The following ASIC2 variants were observed in gnomAD, a reference collection of about 807,000 sequenced individuals.
ASIC2 encodes the protein acid-sensing ion channel 2.
ASIC2 carries 25 observed loss-of-function variants against 57.3 expected under a neutral mutation model. That is an observed-to-expected ratio of 0.44 (90% confidence interval 0.32 to 0.61). The LOEUF is 0.61. Among genes scored for constraint, ASIC2 ranks in the 20% least tolerant of loss-of-function variants. The probability of loss-of-function intolerance (pLI) is 0.06; values close to 1 mark genes in which losing one functional copy is unlikely to be tolerated. For missense variants in ASIC2, 641 were observed against 738.1 expected, an observed-to-expected ratio of 0.87 and a Z score of 1.52; for synonymous variants, 319 against 307.5, an observed-to-expected ratio of 1.04 and a Z score of -0.39.
chr17:33,734,018 G>A (rs2142092864), intron 1 of ASIC2, among the ~76,000 whole-genome samples: 1 of 152,232 alleles, frequency 6.6e-6, no homozygotes. Context: ...CTAGGCCTCT[G>A]CAAAGCAGTC....
At chr17:33,686,409 T>G (rs1443543141) in intron 1 of ASIC2, among the ~76,000 whole-genome samples, 2 of 152,156 alleles carry the variant, frequency 1.3e-5, no homozygotes, top group African/African-American at 2.4e-5. Context: ...GAACACCAAC[T>G]AATCTCTTGT....
At chr17:33,392,179 C>T (rs1017857007) in intron 1 of ASIC2, among the ~76,000 whole-genome samples, 2 of 18,062 alleles carry the variant, frequency 1.1e-4, no homozygotes, top group East Asian at 1.1e-3. Flanking sequence ...TTCTTCCTTC[C>T]TTCCTTCCTT....
At chr17:33,610,860 C>A (rs12944758) in intron 1 of ASIC2, among the ~76,000 whole-genome samples, 10,560 of 152,066 alleles carry the variant, frequency 0.069, 1,096 homozygotes, top group African/African-American at 0.22. Context: ...GCACCACTGC[C>A]CTCCAGCCTG....
At chr17:33,982,746 A>G (rs957821077) in intron 1 of ASIC2, among the ~76,000 whole-genome samples, 3 of 152,234 alleles carry the variant, frequency 2.0e-5, no homozygotes, top group African/African-American at 7.2e-5. Flanking sequence ...TGTATAGGAA[A>G]GTGAAAATCA....
chr17:33,089,235 T>C (rs1359325487), intron 2 of ASIC2, among the ~76,000 whole-genome samples: 1 of 152,090 alleles, frequency 6.6e-6, no homozygotes, highest in East Asian at 1.9e-4. Flanking sequence ...ATTATGCAAG[T>C]AGGACCCAAT....
intron 1 of ASIC2, among the ~76,000 whole-genome samples, chr17:33,618,956 G>A (rs976482971): frequency 6.6e-6 from 1 of 151,894 alleles, no homozygotes; most frequent in Non-Finnish European, 1.5e-5. Flanking sequence ...TTCAAATTCC[G>A]GGCCCAAAAT....
intron 1 of ASIC2, among the ~76,000 whole-genome samples, chr17:33,550,297 T>A (rs577538573): frequency 6.6e-6 from 1 of 152,378 alleles, no homozygotes; most frequent in South Asian, 2.1e-4. Context: ...ATATCTCCTT[T>A]GCAAGTTTGC....
intron 1 of ASIC2, among the ~76,000 whole-genome samples, chr17:34,082,986 T>C (rs1246678272): frequency 1.3e-5 from 2 of 151,910 alleles, no homozygotes; most frequent in African/African-American, 2.4e-5. Flanking sequence ...ACAGCATGCA[T>C]TTATTTGTTC....
chr17:33,014,145 G>A, intron 9 of ASIC2, 79 bp from the exon 10 acceptor site: 2 of 1,170,448 alleles, frequency 1.7e-6, no homozygotes, highest in Non-Finnish European at 2.5e-6. Flanking sequence ...CCCAGCCTAG[G>A]CCCTGGGGAA....
Position 33,635,080 on chromosome 17 carries a change from A to G in ASIC2, c.555+520898T>C, listed in dbSNP as rs138341659. On this transcript the variant is annotated intron_variant, in intron 1 of 9. Transcript: ENST00000359872. ...GGAAAGAAGTAAATATTATAAACAA[A>G]CAAAAGAATATTTGTCATCCAAGTC... 4.4e-3 allele frequency: 666 copies of G among 152,328 alleles called. 2 individuals carry two copies. The highest frequency in any genetic ancestry group is 0.015 in the African/African-American group (642 of 41,578). 9.4% of individuals were successfully genotyped at this position (152,328 alleles called of 1,614,324 possible).
At chr17:33,125,923 T>C (rs2092321453) in intron 1 of ASIC2, among the ~76,000 whole-genome samples, 1 of 152,176 alleles carries the variant, frequency 6.6e-6, no homozygotes, top group African/African-American at 2.4e-5. Flanking sequence ...AATGAAGACC[T>C]AGGGCATGAA....
chr17:33,232,426 TATGGTATGGTATGGTATGGA>T (rs1283184298), intron 1 of ASIC2, among the ~76,000 whole-genome samples: 119 of 146,852 alleles, frequency 8.1e-4, no homozygotes, highest in African/African-American at 2.8e-3. Flanking sequence ...TATGGTATGG[TATGGTATGGTATGGTATGGA>T]ATGGTATGGT....
chr17:34,088,998 C>CA (rs1226549491), intron 1 of ASIC2, among the ~76,000 whole-genome samples: 1 of 152,228 alleles, frequency 6.6e-6, no homozygotes, highest in Non-Finnish European at 1.5e-5. Context: ...CCAAATGAGG[C>CA]AATGCCTAGC....
intron 1 of ASIC2, among the ~76,000 whole-genome samples, chr17:33,285,040 C>T (rs2142173935): frequency 6.6e-6 from 1 of 152,298 alleles, no homozygotes; most frequent in South Asian, 2.1e-4. Context: ...CCAATTGAGT[C>T]AATGAAATTT....
chr17:34,013,552 A>G (rs1336960240), intron 1 of ASIC2, among the ~76,000 whole-genome samples: 1 of 152,208 alleles, frequency 6.6e-6, no homozygotes, highest in Non-Finnish European at 1.5e-5. Context: ...GAACAAATGA[A>G]AGGCTGTGCT....
chr17:34,038,403 T>TA, intron 1 of ASIC2: 1 of 1,612,054 alleles, frequency 6.2e-7, no homozygotes, highest in East Asian at 2.2e-5. Context: ...CGGTATTCCC[T>TA]ACATGCATGC....
chr17:34,065,614 A>T (rs1909144304), intron 1 of ASIC2, among the ~76,000 whole-genome samples: 1 of 152,148 alleles, frequency 6.6e-6, no homozygotes, highest in South Asian at 2.1e-4. Flanking sequence ...AAGACCGCTG[A>T]GGGGTTGTTA....
intron 1 of ASIC2, among the ~76,000 whole-genome samples, chr17:33,221,137 C>G (rs924637223): frequency 6.6e-6 from 1 of 151,634 alleles, no homozygotes; most frequent in Non-Finnish European, 1.5e-5. Context: ...TGGACAGTGG[C>G]TTCAATTCTT....
chr17:33,199,390 G>A (rs774215108), intron 1 of ASIC2, among the ~76,000 whole-genome samples: 10 of 152,192 alleles, frequency 6.6e-5, no homozygotes, highest in Non-Finnish European at 1.3e-4. Flanking sequence ...GTGGGAAAAT[G>A]TTCCCTAGGA....
Sources: gnomAD v4.1 joint callset for allele counts (sites outside exome capture counted in the v4.1 genomes callset) on GRCh38, gnomAD v4.1.1 for gene constraint, MANE v1.5 for transcripts, NCBI Gene and HGNC (gene_info 2026-07-23, HGNC 2026-07-21) for gene names.